The following CASTOR2 variants were observed in gnomAD, a reference collection of about 807,000 sequenced individuals.
CASTOR2 encodes GATS protein like 2.
Under a neutral mutation model 31.2 loss-of-function variants are expected in CASTOR2, and 8 were observed. The ratio of observed to expected loss-of-function variants is 0.26; its 90% CI spans 0.15 to 0.46. The LOEUF (loss-of-function observed/expected upper bound fraction) is 0.46. Ranked by LOEUF, CASTOR2 falls within the 20% of genes least tolerant of loss-of-function variation. The pLI, the probability that CASTOR2 is intolerant of heterozygous loss-of-function variation, is 0.99. For synonymous variants in CASTOR2, 162 were observed against 158.7 expected (o/e 1.02, Z -0.16); for missense variants, 216 against 382.1 (o/e 0.57, Z 3.62).
At chr7:74,988,761 C>T (rs1409039269) in intron 1 of CASTOR2, among the ~76,000 whole-genome samples, 1 of 152,088 alleles carries the variant, frequency 6.6e-6, no homozygotes, top group African/African-American at 2.4e-5. Flanking sequence ...TGCTGTCTGC[C>T]TACATTTATC....
At chr7:75,008,245 G>A (rs1459836900) in intron 2 of CASTOR2, among the ~76,000 whole-genome samples, 181 bp downstream of exon 2, 1 of 150,898 alleles carries the variant, frequency 6.6e-6, no homozygotes, top group Non-Finnish European at 1.5e-5. Flanking sequence ...TTCTCTCCCT[G>A]GCTTCTGGAG....
chr7:75,001,111 GTGT>G (rs1804484623), intron 1 of CASTOR2, among the ~76,000 whole-genome samples: 4 of 150,866 alleles, frequency 2.7e-5, no homozygotes, highest in African/African-American at 9.7e-5. Flanking sequence ...GGATCTCACT[GTGT>G]CACCCAGCCT....
intron 3 of CASTOR2, 52 bp from the exon 4 acceptor site, chr7:75,017,938 C>G: frequency 6.2e-7 from 1 of 1,613,998 alleles, no homozygotes; most frequent in African/African-American, 1.3e-5. Flanking sequence ...TGCCCCAGAC[C>G]CACATCCCCC....
In CASTOR2 at chr7:74,986,489, CAAA is replaced by C. The variant is rs1230811070; in HGVS notation, c.113+21404_113+21406del. Among the ~76,000 whole-genome samples, 12 of 66,936 alleles carry C rather than the reference CAAA, an allele frequency of 1.8e-4. No homozygotes were observed. The East Asian group carries it at 3.8e-3, about 21-fold the overall frequency. 43.9% of individuals were successfully genotyped at this position (66,936 alleles called of 152,430 possible). On this transcript the variant is annotated intron_variant, in intron 1 of 8. Transcript: ENST00000616305. ...TGGGCAACAGAGGGAGACTCTGTCTCAAAAAAAAAAAAAAAGAAAAGAAAAGAA... is the reference window on the plus strand; with the variant it reads ...TGGGCAACAGAGGGAGACTCTGTCTCAAAAAAAAAAAAGAAAAGAAAAGAA...
chr7:75,012,790 C>T (rs1482729351), intron 2 of CASTOR2, among the ~76,000 whole-genome samples: 1 of 151,814 alleles, frequency 6.6e-6, no homozygotes, highest in African/African-American at 2.4e-5. Context: ...AGGCATGCAC[C>T]GCTATGCCCA....
chr7:75,022,322 T>C (rs1157109387), intron 7 of CASTOR2, among the ~76,000 whole-genome samples: 2 of 151,812 alleles, frequency 1.3e-5, no homozygotes, highest in African/African-American at 4.8e-5. Flanking sequence ...CTGGGAAACA[T>C]AGCGAGGCCC....
chr7:74,987,121 C>A (rs1236493154), intron 1 of CASTOR2, among the ~76,000 whole-genome samples: 1 of 150,232 alleles, frequency 6.7e-6, no homozygotes, highest in African/African-American at 2.4e-5. Context: ...AAAGCCAGCA[C>A]CGGCCGGGCG....
intron 2 of CASTOR2, among the ~76,000 whole-genome samples, chr7:75,008,914 A>ATC (rs1804665596): frequency 6.6e-6 from 1 of 152,086 alleles, no homozygotes; most frequent in African/African-American, 2.4e-5. Flanking sequence ...CACGTCTGTG[A>ATC]ATAGCCACTG....
chr7:74,984,686 C>T (rs1341989896), intron 1 of CASTOR2, among the ~76,000 whole-genome samples: 2 of 152,256 alleles, frequency 1.3e-5, no homozygotes, highest in African/African-American at 2.4e-5. Context: ...CCAGGCCCAC[C>T]GCCATGCCCT....
chr7:74,975,581 TG>T (rs1803786478), intron 1 of CASTOR2, among the ~76,000 whole-genome samples: 1 of 121,796 alleles, frequency 8.2e-6, no homozygotes, highest in African/African-American at 3.1e-5. Context: ...CCAGGCGTGG[TG>T]GCGGGCGCCT....
chr7:75,009,503 C>T lies in CASTOR2; in HGVS notation c.184+1439C>T, dbSNP rs1554439125. Among the ~76,000 whole-genome samples the T allele has an allele frequency of 5.9e-3, 890 of 151,968 alleles. 4 individuals carry two copies. The highest frequency in any genetic ancestry group is 8.4e-3 in the Non-Finnish European group (569 of 67,952). On this transcript the variant is annotated intron_variant, in intron 2 of 8. Transcript: ENST00000616305. ...CAGGATGGTCTCGATCTCCTGACCT[C>T]GTGATCCACCCACCTCGGCCTCCCA...
intron 2 of CASTOR2, among the ~76,000 whole-genome samples, chr7:75,009,443 A>AT (rs1286304321): frequency 6.7e-6 from 1 of 149,308 alleles, no homozygotes; most frequent in African/African-American, 2.5e-5. Context: ...AATTTTTTGT[A>AT]TTTTTTAGTA....
rs1252735152 is a variant in CASTOR2, at chr7:75,017,923, G to A, written c.379-67G>A. On this transcript the variant is annotated intron_variant, in intron 3 of 8. Transcript: ENST00000616305. Reference sequence around the variant, plus strand: ...TGGGGGCAGAGTCTCAGGGTGAGAGGTCGGTGCCCCAGACCCACATCCCCC... The same window carrying A: ...TGGGGGCAGAGTCTCAGGGTGAGAGATCGGTGCCCCAGACCCACATCCCCC... 25 of 1,613,694 alleles carry A rather than the reference G, an allele frequency of 1.5e-5. No individual in the cohort carries two copies. In the African/African-American group the frequency reaches 2.8e-4, roughly 18 times the overall value.
rs1803888856 is a variant in CASTOR2, at chr7:74,978,944, ATTGG to A, written c.113+13850_113+13853del. On this transcript the variant is annotated intron_variant, in intron 1 of 8. Coordinates refer to ENST00000616305, the MANE Select transcript of CASTOR2 (RefSeq NM_001145064.3). ...CACTTTGGGAGGCTGAGGTGAGTAG[ATTGG>A]TTGAGCTCACAAGTCGGAGACCAGC... 2.0e-5 allele frequency among the ~76,000 whole-genome samples: 3 copies of A among 146,540 alleles called. No individual in the cohort carries two copies. The South Asian group carries it at 6.5e-4, about 32-fold the overall frequency.
chr7:74,991,079 A>G (rs1272809322), intron 1 of CASTOR2, among the ~76,000 whole-genome samples: 1 of 150,976 alleles, frequency 6.6e-6, no homozygotes, highest in African/African-American at 2.4e-5. Flanking sequence ...GTCTGGAAAA[A>G]AAAAAAAAAG....
rs1348438938 is a variant in CASTOR2, at chr7:75,027,152, T to C, written c.*2453T>C. 1 of 152,218 alleles carries C rather than the reference T, an allele frequency of 6.6e-6. No homozygotes were observed. The highest frequency in any genetic ancestry group is 1.5e-5 in the Non-Finnish European group (1 of 68,042). 9.4% of individuals were successfully genotyped at this position (152,218 alleles called of 1,614,324 possible). ...ACCATATATTTTTAATTCAAGTATA[T>C]AGGCAATACGATTATTACAGAAGCC... On this transcript the variant is annotated 3_prime_UTR_variant, in exon 9 of 9. Transcript: ENST00000616305.
At chr7:74,994,231 G>A (rs1194834890) in intron 1 of CASTOR2, among the ~76,000 whole-genome samples, 54 of 152,244 alleles carry the variant, frequency 3.5e-4, no homozygotes, top group African/African-American at 1.2e-3. Flanking sequence ...CCAGGCCAAG[G>A]CCAGGGTTGG....
At chr7:75,008,190 G>C in intron 2 of CASTOR2, 126 bp downstream of exon 2, 2 of 1,201,718 alleles carry the variant, frequency 1.7e-6, no homozygotes, top group Non-Finnish European at 2.4e-6. Context: ...CCTTACTTCT[G>C]CCCTCATCTG....
At chr7:75,021,755 A>T (rs1230727985) in intron 6 of CASTOR2, 119 bp from the exon 7 acceptor site, 2 of 1,237,470 alleles carry the variant, frequency 1.6e-6, no homozygotes, top group Non-Finnish European at 2.3e-6. Flanking sequence ...GGGGGCCCTG[A>T]GGTCTGCCCA....
Sources: gnomAD v4.1 joint callset for allele counts (sites outside exome capture counted in the v4.1 genomes callset) on GRCh38, gnomAD v4.1.1 for gene constraint, MANE v1.5 for transcripts, NCBI Gene and HGNC (gene_info 2026-07-23, HGNC 2026-07-21) for gene names.